FANCM: variants seen among roughly 807,000 people sequenced by gnomAD.
The protein encoded by FANCM is Fanconi anemia group M protein.
Under a neutral mutation model 199.5 loss-of-function variants are expected in FANCM, and 140 were observed. The ratio of observed to expected loss-of-function variants is 0.70; its 90% CI spans 0.61 to 0.81. The LOEUF is 0.81. FANCM is among the 30% of genes least tolerant of loss of function. The probability of loss-of-function intolerance (pLI) is 0.00; values close to 1 mark genes in which losing one functional copy is unlikely to be tolerated. For missense variants in FANCM, 2,410 were observed against 2,421.4 expected (o/e 1.00, Z 0.10); for synonymous variants, 840 against 836.8 (o/e 1.00, Z -0.07).
At chr14:45,187,676 A>C (rs1043141968) in intron 18 of FANCM, 105 bp from the exon 19 acceptor site, 1 of 621,492 alleles carries the variant, frequency 1.6e-6, no homozygotes, top group South Asian at 2.0e-5. Flanking sequence ...AAATATTTGC[A>C]CAAGGTTTGA....
rs147550893 is a variant in FANCM, at chr14:45,155,330, G to GA, written c.1310-36dup. ...ATATACATTAGTGTAATTGAATATG[G>GA]AAAAAAACAGAAAAAAATTTTGATA... On this transcript the variant is annotated intron_variant, in intron 7 of 22. Transcript: ENST00000267430. 0.013 allele frequency: 11,711 copies of GA among 879,184 alleles called. 891 individuals carry two copies. In the African/African-American group the frequency reaches 0.17, roughly 12 times the overall value. 54.5% of individuals were successfully genotyped at this position (879,184 alleles called of 1,614,324 possible).
chr14:45,138,904 G>A (rs28370281), intron 2 of FANCM, among the ~76,000 whole-genome samples: 1 of 151,974 alleles, frequency 6.6e-6, no homozygotes, highest in Non-Finnish European at 1.5e-5. Context: ...AGAATTCTTC[G>A]TGAAAAGAAG....
At chr14:45,143,229 C>T (rs1438629454) in intron 3 of FANCM, among the ~76,000 whole-genome samples, 2 of 150,396 alleles carry the variant, frequency 1.3e-5, no homozygotes, top group East Asian at 3.9e-4. Flanking sequence ...GAGGGCAGTG[C>T]ACAATAATAC....
At chr14:45,138,600 T>C (rs1885693868) in intron 2 of FANCM, among the ~76,000 whole-genome samples, 1 of 152,184 alleles carries the variant, frequency 6.6e-6, no homozygotes, top group Non-Finnish European at 1.5e-5. Flanking sequence ...AGACCCTGTG[T>C]CTACAAAAAT....
chr14:45,193,584 TTTG>T (rs1250758265), intron 20 of FANCM, among the ~76,000 whole-genome samples: 1 of 152,192 alleles, frequency 6.6e-6, no homozygotes, highest in Non-Finnish European at 1.5e-5. Flanking sequence ...AAGTCCAGCT[TTTG>T]TTGTTGGTGG....
rs1890295909 is a variant in FANCM at position 45,200,372 on chromosome 14, C to T, written c.*364C>T. On this transcript the variant is annotated 3_prime_UTR_variant, in exon 23 of 23. Coordinates refer to ENST00000267430, the MANE Select transcript of FANCM (RefSeq NM_020937.4). ...AAAGTTGACATGTCTATGACTACAG[C>T]CAACTTGTCGATTTTCCCTATGTGT... The T allele has an allele frequency of 6.3e-6, 1 of 157,488 alleles. No individual in the cohort carries two copies. The highest frequency in any genetic ancestry group is 6.5e-5 in the Admixed American group (1 of 15,320). 9.8% of individuals were successfully genotyped at this position (157,488 alleles called of 1,614,324 possible). A position where few individuals can be genotyped will look rare whatever the true frequency, so the allele number is the denominator to read the frequency against.
chr14:45,189,684 C>T (rs1369175364), intron 20 of FANCM, among the ~76,000 whole-genome samples: 1 of 151,952 alleles, frequency 6.6e-6, no homozygotes, highest in Non-Finnish European at 1.5e-5. Flanking sequence ...GAGTTAGTTC[C>T]CTGGCCAGAT....
intron 2 of FANCM, among the ~76,000 whole-genome samples, chr14:45,139,872 C>T (rs1885785581): frequency 6.6e-6 from 1 of 151,998 alleles, no homozygotes; most frequent in Admixed American, 6.6e-5. Flanking sequence ...GTAGCCCCAG[C>T]TGCTTGGGAG....
At chr14:45,148,637 G>A (rs1174052260) in intron 3 of FANCM, among the ~76,000 whole-genome samples, 200 bp from the exon 4 acceptor site, 1 of 152,124 alleles carries the variant, frequency 6.6e-6, no homozygotes, top group Non-Finnish European at 1.5e-5. Context: ...GGGAAAAGAT[G>A]TTTCGGAAGC....
At chr14:45,165,960 A>G (rs1887939040) in intron 10 of FANCM, among the ~76,000 whole-genome samples, 1 of 152,200 alleles carries the variant, frequency 6.6e-6, no homozygotes, top group African/African-American at 2.4e-5. Flanking sequence ...TAGAAAAACG[A>G]ACAAACTGAA....
intron 11 of FANCM, among the ~76,000 whole-genome samples, chr14:45,167,958 C>T (rs766748687): frequency 2.6e-5 from 4 of 152,082 alleles, no homozygotes; most frequent in Non-Finnish European, 5.9e-5. Flanking sequence ...CATTGTTGAA[C>T]GGCCCTGTAT....
At chr14:45,136,654 C>T (rs1309320737) in intron 1 of FANCM, 115 bp downstream of exon 1, 1 of 1,030,678 alleles carries the variant, frequency 9.7e-7, no homozygotes, top group Admixed American at 1.9e-5. Context: ...ACATTCTCTA[C>T]TTGCAGCAAG....
rs1885491442 is a variant in FANCM at position 45,136,266 on chromosome 14, G to C, written c.235G>C (p.Ala79Pro). 8 of 1,614,026 alleles carry C rather than the reference G, an allele frequency of 5.0e-6. No homozygotes were observed. The highest frequency in any genetic ancestry group is 6.8e-6 in the Non-Finnish European group (8 of 1,180,018). The part of the protein sequence containing the change: ...CLENGGFCTS[A>P]GALWIYPTNC... ...AGAGAATGGCGGGTTCTGCACCTCC[G>C]CGGGCGCCCTGTGGATTTACCCTAC... The change falls in exon 1 of 23, where the codon GCG (alanine) becomes CCG (proline). Residue 79 changes from alanine (A) to proline (P), a missense_variant. Transcript: ENST00000267430.
In FANCM at chr14:45,184,894, T is replaced by C. The variant is rs10151937; in HGVS notation, c.4516-323T>C. On this transcript the variant is annotated intron_variant, in intron 17 of 22. Coordinates refer to ENST00000267430, the MANE Select transcript of FANCM (RefSeq NM_020937.4). ...GTTCAAGTGATTCTCCTGCCTCAGC[T>C]TCCCGAGTAGCTGGGATTACAGGCA... Among the ~76,000 whole-genome samples the C allele has an allele frequency of 0.19, 28,367 of 150,200 alleles. 3,459 individuals carry two copies. The highest frequency in any genetic ancestry group is 0.34 in the African/African-American group (13,980 of 40,912).
chr14:45,180,661 C>G (rs1889009855), intron 14 of FANCM, among the ~76,000 whole-genome samples: 1 of 152,032 alleles, frequency 6.6e-6, no homozygotes, highest in African/African-American at 2.4e-5. Flanking sequence ...GTCTCAAACT[C>G]CTGGGCTCAA....
At chr14:45,177,518 A>G (rs894094231) in intron 14 of FANCM, among the ~76,000 whole-genome samples, 3 of 152,168 alleles carry the variant, frequency 2.0e-5, no homozygotes, top group South Asian at 4.1e-4. Context: ...CAGCCTCCCA[A>G]GTAGCTGGGA....
chr14:45,182,487 C>T (rs894865453), intron 16 of FANCM, among the ~76,000 whole-genome samples: 8 of 152,086 alleles, frequency 5.3e-5, no homozygotes, highest in Non-Finnish European at 1.2e-4. Context: ...CGGATTTAGG[C>T]TAAACAAGAA....
chr14:45,187,885 C>T lies in FANCM; in HGVS notation c.4777C>T (p.Gln1593Ter). Residue 1593 changes from glutamine to a stop codon, truncating the protein, a stop_gained and splice_region_variant, in exon 19 of 23, where the codon CAG (glutamine) becomes TAG (stop). Coordinates refer to ENST00000267430, the MANE Select transcript of FANCM (RefSeq NM_020937.4). LOFTEE classifies it high-confidence loss of function. ...ACATAAAAACATAAACATTTTCTCG[C>T]AGGTATGAACTATAGAAATATAATG... ...KTHKNINIFS[Q>*]IPEQDETYLE... 7.5e-7 allele frequency: 1 copy of T among 1,338,932 alleles called. No individual in the cohort carries two copies. Among genetic ancestry groups the T allele is most frequent in the Non-Finnish European group, 1.1e-6 (1 of 930,028 alleles). 82.9% of individuals were successfully genotyped at this position (1,338,932 alleles called of 1,614,324 possible).
At chr14:45,186,339 G>A (rs1244233470) in intron 18 of FANCM, among the ~76,000 whole-genome samples, 1 of 152,198 alleles carries the variant, frequency 6.6e-6, no homozygotes, top group Non-Finnish European at 1.5e-5. Flanking sequence ...TGCCATGTAA[G>A]GGCAGTTTAC....
Sources: allele counts gnomAD v4.1 joint callset (sites outside exome capture counted in the v4.1 genomes callset), GRCh38; gene constraint gnomAD v4.1.1; transcripts MANE v1.5; gene names NCBI Gene and HGNC (gene_info 2026-07-23, HGNC 2026-07-21).